Variants in TLK1 observed in about 807,000 individuals in gnomAD.
The protein encoded by TLK1 is tousled like kinase 1.
TLK1 carries 24 observed loss-of-function variants against 105.3 expected under a neutral mutation model. The observed-to-expected ratio is 0.23, with a 90% CI of 0.17 to 0.32. The LOEUF (loss-of-function observed/expected upper bound fraction) is 0.32. TLK1 is among the 10% of genes least tolerant of loss of function. The pLI, the probability that TLK1 is intolerant of heterozygous loss-of-function variation, is 1.00. For synonymous variants in TLK1, 321 were observed against 310.4 expected (o/e 1.03, Z -0.36); for missense variants, 558 against 910.5 (o/e 0.61, Z 4.98).
intron 10 of TLK1, 142 bp downstream of exon 10, chr2:171,049,672 T>G: frequency 1.0e-6 from 1 of 972,734 alleles, no homozygotes. Flanking sequence ...TACTCTTGGT[T>G]TCATATCCCT....
At chr2:171,095,238 T>C (rs1200203764) in intron 2 of TLK1, among the ~76,000 whole-genome samples, 1 of 146,836 alleles carries the variant, frequency 6.8e-6, no homozygotes, top group African/African-American at 2.5e-5. Context: ...AAAACCAAAC[T>C]AAAACCAAAG....
At chr2:171,076,229 G>A (rs1259761839) in intron 3 of TLK1, among the ~76,000 whole-genome samples, 5 of 150,988 alleles carry the variant, frequency 3.3e-5, no homozygotes, top group African/African-American at 1.2e-4. Flanking sequence ...GAGGGCGGGG[G>A]GAGAAAAAGA....
At chr2:171,185,146 A>G (rs1222012342) in intron 1 of TLK1, among the ~76,000 whole-genome samples, 1 of 152,000 alleles carries the variant, frequency 6.6e-6, no homozygotes, top group Non-Finnish European at 1.5e-5. Context: ...GCCTATAACT[A>G]TGTTTTAATC....
chr2:171,095,387 C>G (rs1227579821), intron 2 of TLK1, among the ~76,000 whole-genome samples: 1 of 151,696 alleles, frequency 6.6e-6, no homozygotes, highest in Non-Finnish European at 1.5e-5. Context: ...CCTACCAAGA[C>G]CAAAAGAAGG....
chr2:171,201,829 G>C (rs1462496780), intron 1 of TLK1, among the ~76,000 whole-genome samples: 2 of 152,210 alleles, frequency 1.3e-5, no homozygotes, highest in African/African-American at 4.8e-5. Context: ...AGGGCAGTGA[G>C]AACCTCAGCT....
chr2:171,008,279 A>G (rs1684737422), intron 14 of TLK1, among the ~76,000 whole-genome samples: 1 of 152,192 alleles, frequency 6.6e-6, no homozygotes, highest in Non-Finnish European at 1.5e-5. Context: ...TGAGAGGATT[A>G]AATGGGGGTA....
intron 1 of TLK1, among the ~76,000 whole-genome samples, chr2:171,216,968 C>T (rs959863027): frequency 5.9e-5 from 9 of 152,134 alleles, no homozygotes; most frequent in East Asian, 1.9e-4. Context: ...AAGTATAAGG[C>T]GACACATTTC....
chr2:171,158,525 T>A (rs1692322123), intron 1 of TLK1, among the ~76,000 whole-genome samples: 1 of 152,222 alleles, frequency 6.6e-6, no homozygotes. Context: ...AAGAGATAAT[T>A]CAACACTATG....
intron 1 of TLK1, among the ~76,000 whole-genome samples, chr2:171,226,624 C>T (rs192255985): frequency 6.6e-6 from 1 of 152,312 alleles, no homozygotes; most frequent in African/African-American, 2.4e-5. Context: ...AAGTAGACAA[C>T]ATTTGCCTAG....
chr2:171,044,292 G>A (rs1407761881), intron 11 of TLK1, among the ~76,000 whole-genome samples: 2 of 152,024 alleles, frequency 1.3e-5, no homozygotes, highest in African/African-American at 4.8e-5. Context: ...AATAAAATCT[G>A]TACTTAAAAT....
intron 1 of TLK1, among the ~76,000 whole-genome samples, chr2:171,132,277 G>A (rs548888971): frequency 1.3e-5 from 2 of 152,234 alleles, no homozygotes; most frequent in South Asian, 4.1e-4. Flanking sequence ...ACTATCGGGA[G>A]GAGACCCAGC....
intron 1 of TLK1, among the ~76,000 whole-genome samples, chr2:171,197,002 G>A (rs565626415): frequency 6.6e-6 from 1 of 152,232 alleles, no homozygotes; most frequent in Admixed American, 6.5e-5. Flanking sequence ...GCCTTTAGTT[G>A]GACTAGAAAA....
intron 1 of TLK1, among the ~76,000 whole-genome samples, chr2:171,200,461 A>G (rs1206387706): frequency 6.6e-6 from 1 of 152,254 alleles, no homozygotes; most frequent in African/African-American, 2.4e-5. Context: ...CCCACATTTT[A>G]CAGTCTTGCC....
intron 1 of TLK1, among the ~76,000 whole-genome samples, chr2:171,175,262 G>A (rs2105304653): frequency 1.3e-5 from 2 of 151,898 alleles, no homozygotes; most frequent in South Asian, 4.2e-4. Context: ...CCGTATTCAT[G>A]GTATCTATAT....
chr2:170,995,377 T>C (rs1684005490), intron 20 of TLK1, among the ~76,000 whole-genome samples: 1 of 151,984 alleles, frequency 6.6e-6, no homozygotes, highest in South Asian at 2.1e-4. Flanking sequence ...TGTATCATAT[T>C]AATATTATAT....
chr2:171,064,546 T>C (rs2105450997), intron 3 of TLK1, among the ~76,000 whole-genome samples: 1 of 150,816 alleles, frequency 6.6e-6, no homozygotes, highest in South Asian at 2.1e-4. Context: ...AATAATGCTG[T>C]CATTTCTTTC....
intron 11 of TLK1, among the ~76,000 whole-genome samples, chr2:171,040,459 C>G (rs2105412926): frequency 6.6e-6 from 1 of 152,070 alleles, no homozygotes; most frequent in East Asian, 1.9e-4. Flanking sequence ...ACTTTCTGCT[C>G]AATTCTGCTG....
Position 170,997,772 on chromosome 2 carries a change from G to A in TLK1, c.1956C>T (p.Ser652=), listed in dbSNP as rs770320202. 2 of 1,609,326 alleles carry A rather than the reference G, an allele frequency of 1.2e-6. No homozygotes were observed. The highest frequency in any genetic ancestry group is 3.3e-5 in the Admixed American group (2 of 59,910). Residue 652 remains serine, a synonymous_variant, in exon 19 of 21, where the codon TCC becomes TCT. Transcript: ENST00000431350. Reference sequence around the variant, plus strand: ...CAACCGACCATACATCAACCTTGTTGGAAATCTTTGGTGGCTCTTTTCCAA... The same window carrying A: ...CAACCGACCATACATCAACCTTGTTAGAAATCTTTGGTGGCTCTTTTCCAA... ...FVVGKEPPKI[S]NKVDVWSVGV...
intron 1 of TLK1, among the ~76,000 whole-genome samples, chr2:171,203,807 T>C (rs1473952945): frequency 6.6e-6 from 1 of 152,154 alleles, no homozygotes; most frequent in Non-Finnish European, 1.5e-5. Flanking sequence ...CTCAGCACTT[T>C]GGGAGGCTGT....
Sources: gnomAD v4.1 joint callset for allele counts (sites outside exome capture counted in the v4.1 genomes callset) on GRCh38, gnomAD v4.1.1 for gene constraint, MANE v1.5 for transcripts, NCBI Gene and HGNC (gene_info 2026-07-23, HGNC 2026-07-21) for gene names.